MAD1L1: variants seen among roughly 807,000 people sequenced by gnomAD.
MAD1L1 encodes mitotic spindle assembly checkpoint protein MAD1.
MAD1L1 carries 95 observed loss-of-function variants against 96.9 expected under a neutral mutation model. The ratio of observed to expected loss-of-function variants is 0.98; its 90% CI spans 0.83 to 1.16. The LOEUF is 1.16. MAD1L1 is among the 50% of genes most tolerant of loss of function. MAD1L1 has a pLI of 0.00. For missense variants in MAD1L1, 1,007 were observed against 954.4 expected (o/e 1.06, Z -0.73); for synonymous variants, 473 against 396.6 (o/e 1.19, Z -2.29).
intron 12 of MAD1L1, among the ~76,000 whole-genome samples, chr7:2,031,916 AGACGG>A (rs1408261665): frequency 6.6e-6 from 1 of 152,238 alleles, no homozygotes; most frequent in Non-Finnish European, 1.5e-5. Flanking sequence ...CTGAGCAGTC[AGACGG>A]GTTCCTTTCC....
chr7:2,218,107 A>C (rs1793391093), intron 6 of MAD1L1, 64 bp from the exon 7 acceptor site: 1 of 1,263,616 alleles, frequency 7.9e-7, no homozygotes, highest in African/African-American at 1.5e-5. Flanking sequence ...AATTCTCCTC[A>C]GCCTGAGACC....
At chr7:1,928,842 C>T (rs1213300651) in intron 17 of MAD1L1, among the ~76,000 whole-genome samples, 1 of 152,174 alleles carries the variant, frequency 6.6e-6, no homozygotes, top group Non-Finnish European at 1.5e-5. Flanking sequence ...CACTGCCAGG[C>T]CAATGGGTAG....
At chr7:2,217,894 C>T in intron 7 of MAD1L1, 68 bp downstream of exon 7, 1 of 1,355,768 alleles carries the variant, frequency 7.4e-7, no homozygotes, top group South Asian at 1.2e-5. Flanking sequence ...CGCAGAAAGG[C>T]CGACAGGGGC....
intron 11 of MAD1L1, among the ~76,000 whole-genome samples, chr7:2,092,295 G>C (rs973391448): frequency 6.6e-5 from 10 of 152,130 alleles, no homozygotes; most frequent in African/African-American, 2.4e-4. Context: ...GTCTCTCTCT[G>C]TCTCCCAGGC....
chr7:2,112,104 G>A (rs1208034129), intron 11 of MAD1L1, among the ~76,000 whole-genome samples: 4 of 152,188 alleles, frequency 2.6e-5, no homozygotes, highest in Admixed American at 6.5e-5. Flanking sequence ...CAGCCACGCG[G>A]TGAGTCCCAA....
At chr7:1,886,958 C>A (rs1332412535) in intron 18 of MAD1L1, among the ~76,000 whole-genome samples, 2 of 152,390 alleles carry the variant, frequency 1.3e-5, no homozygotes, top group East Asian at 3.9e-4. Context: ...CCGCAGGTTC[C>A]TGGTGAGAAG....
At chr7:1,988,324 C>T (rs1440545692) in intron 14 of MAD1L1, among the ~76,000 whole-genome samples, 2 of 152,178 alleles carry the variant, frequency 1.3e-5, no homozygotes, top group Admixed American at 6.5e-5. Flanking sequence ...AGCAGCCCGG[C>T]CGTCCCCCGT....
rs763689274 is a variant in MAD1L1 at position 2,215,879 on chromosome 7, C to T, written c.924+6G>A. 2.4e-5 allele frequency: 39 copies of T among 1,613,874 alleles called. No homozygotes were observed. The highest frequency in any genetic ancestry group is 3.3e-5 in the Admixed American group (2 of 60,004). ...CACAGGAACCGCACACCACACAGGC[C>T]CTCACCTCGTTCTCCAGCTCCAAGC... On this transcript the variant is annotated splice_donor_region_variant and intron_variant, in intron 9 of 18. Coordinates refer to ENST00000265854, the MANE Select transcript of MAD1L1 (RefSeq NM_001013836.2).
intron 11 of MAD1L1, chr7:2,079,989 A>G (rs1785558110): frequency 3.1e-6 from 1 of 321,364 alleles, no homozygotes; most frequent in Non-Finnish European, 6.0e-6. Flanking sequence ...CCGAGGTCAG[A>G]GAGAAGGAGA....
chr7:2,053,400 T>C (rs370650041), intron 12 of MAD1L1, among the ~76,000 whole-genome samples: 2 of 152,336 alleles, frequency 1.3e-5, no homozygotes, highest in East Asian at 3.9e-4. Context: ...GAGTCCAATA[T>C]TCACCAGGCA....
chr7:1,997,479 G>A (rs1428148528), intron 14 of MAD1L1, among the ~76,000 whole-genome samples: 1 of 152,254 alleles, frequency 6.6e-6, no homozygotes. Flanking sequence ...GGGTGGGAGG[G>A]GCCTCAGAGC....
At chr7:2,078,408 G>A (rs968054769) in intron 11 of MAD1L1, among the ~76,000 whole-genome samples, 8 of 152,316 alleles carry the variant, frequency 5.3e-5, no homozygotes, top group South Asian at 2.1e-4. Flanking sequence ...TGCGTCCGTC[G>A]TGAAGCACGA....
At chr7:2,221,097 C>A in intron 5 of MAD1L1, 1 of 1,445,140 alleles carries the variant, frequency 6.9e-7, no homozygotes, top group South Asian at 1.3e-5. Flanking sequence ...TCGGCTTAGA[C>A]ATGACAGGCC....
At chr7:2,188,275 T>A (rs1327515685) in intron 10 of MAD1L1, among the ~76,000 whole-genome samples, 1 of 152,262 alleles carries the variant, frequency 6.6e-6, no homozygotes, top group African/African-American at 2.4e-5. Context: ...CAAAGCCATC[T>A]AGACGTTCAA....
intron 10 of MAD1L1, among the ~76,000 whole-genome samples, chr7:2,151,668 G>A (rs1414232247): frequency 6.6e-6 from 1 of 152,260 alleles, no homozygotes; most frequent in African/African-American, 2.4e-5. Context: ...AGATCTCAGA[G>A]GGCCAGGCTC....
intron 16 of MAD1L1, among the ~76,000 whole-genome samples, chr7:1,944,347 G>T (rs1332310771): frequency 6.6e-6 from 1 of 152,218 alleles, no homozygotes; most frequent in Non-Finnish European, 1.5e-5. Context: ...CCTTCAAAGG[G>T]ACGAGGTACG....
intron 10 of MAD1L1, among the ~76,000 whole-genome samples, chr7:2,151,946 G>A (rs542456581): frequency 8.5e-5 from 13 of 152,282 alleles, no homozygotes; most frequent in South Asian, 2.1e-4. Flanking sequence ...CTGGAGCCCC[G>A]GGGCATCCAT....
Position 1,898,240 on chromosome 7 carries a change from G to A in MAD1L1, c.1958C>T (p.Ser653Leu), listed in dbSNP as rs779421821. 7 of 1,613,962 alleles carry A rather than the reference G, an allele frequency of 4.3e-6. No homozygotes were observed. The highest frequency in any genetic ancestry group is 5.9e-6 in the Non-Finnish European group (7 of 1,179,948). Reference protein sequence around the residue: ...ITTENQYRLTSLYAEHPGDCL... With the variant: ...ITTENQYRLTLLYAEHPGDCL... ...GTCGCCTGGGTGCTCGGCGTACAGCGAGGTCAGCCGGTACTGGTTCTCCGT... is the reference window on the plus strand; with the variant it reads ...GTCGCCTGGGTGCTCGGCGTACAGCAAGGTCAGCCGGTACTGGTTCTCCGT... The change falls in exon 18 of 19, where the codon TCG (serine) becomes TTG (leucine). Residue 653 changes from serine (S) to leucine (L), a missense_variant. Physicochemically the swap from Ser to Leu is moderately radical, Grantham distance 145 (BLOSUM62 -2). Transcript: ENST00000265854.
Position 2,116,573 on chromosome 7 carries a change from G to A in MAD1L1, c.1073+32579C>T, listed in dbSNP as rs563759892. 1.8e-3 allele frequency among the ~76,000 whole-genome samples: 266 copies of A among 151,082 alleles called. 16 individuals carry two copies. The South Asian group carries it at 0.053, about 30-fold the overall frequency. On this transcript the variant is annotated intron_variant, in intron 11 of 18. Transcript: ENST00000265854. ...ACGTGGCAGGCCAGAGGGTTGGGGG[G>A]GGGGGGGGCTCCTGTGTGTACACAG...
Sources: allele counts gnomAD v4.1 joint callset (sites outside exome capture counted in the v4.1 genomes callset), GRCh38; gene constraint gnomAD v4.1.1; transcripts MANE v1.5; gene names NCBI Gene and HGNC (gene_info 2026-07-23, HGNC 2026-07-21).